The following TNS3 variants were observed in gnomAD, a reference collection of about 807,000 sequenced individuals.
The protein encoded by TNS3 is tensin-3.
In TNS3, 45 loss-of-function variants were observed where a neutral mutation model predicts 140.9. The ratio of observed to expected loss-of-function variants is 0.32; its 90% CI spans 0.25 to 0.41. TNS3 has a LOEUF of 0.41. Ranked by LOEUF, TNS3 falls within the 10% of genes least tolerant of loss-of-function variation. The pLI, the probability that TNS3 is intolerant of heterozygous loss-of-function variation, is 1.00. For synonymous variants in TNS3, 815 were observed against 788.4 expected, an observed-to-expected ratio of 1.03 and a Z score of -0.56; for missense variants, 1,716 against 1,906.7, an observed-to-expected ratio of 0.90 and a Z score of 1.86.
chr7:47,432,186 T>C (rs1794959605), intron 8 of TNS3, among the ~76,000 whole-genome samples: 1 of 152,238 alleles, frequency 6.6e-6, no homozygotes, highest in South Asian at 2.1e-4. Flanking sequence ...TGGTGAGGCC[T>C]ATAAAAGATG....
intron 16 of TNS3, among the ~76,000 whole-genome samples, chr7:47,380,195 C>G (rs1162163756): frequency 1.3e-5 from 2 of 152,272 alleles, no homozygotes; most frequent in Non-Finnish European, 2.9e-5. Context: ...CACAGCCGTA[C>G]TGACAGCAGG....
At chr7:47,306,771 G>A (rs1371942869) in intron 20 of TNS3, among the ~76,000 whole-genome samples, 1 of 152,136 alleles carries the variant, frequency 6.6e-6, no homozygotes, top group Admixed American at 6.5e-5. Flanking sequence ...TAGAGACGGG[G>A]TTTCATCATG....
intron 20 of TNS3, among the ~76,000 whole-genome samples, chr7:47,325,850 G>A (rs1027520241): frequency 1.3e-5 from 2 of 152,166 alleles, no homozygotes; most frequent in Non-Finnish European, 2.9e-5. Context: ...TGCCTTGGAT[G>A]TTATTTTTTT....
intron 3 of TNS3, among the ~76,000 whole-genome samples, 170 bp downstream of exon 3, chr7:47,506,737 G>C (rs1798429919): frequency 6.6e-6 from 1 of 152,164 alleles, no homozygotes; most frequent in Non-Finnish European, 1.5e-5. Context: ...GGATTTCAAA[G>C]CTCTTTGGTT....
intron 17 of TNS3, among the ~76,000 whole-genome samples, chr7:47,351,802 G>C (rs970662289): frequency 1.3e-5 from 2 of 152,158 alleles, no homozygotes; most frequent in Non-Finnish European, 2.9e-5. Flanking sequence ...GTTACAAAAC[G>C]GGCTCCTGTC....
At chr7:47,317,747 C>T (rs1787492820) in intron 20 of TNS3, among the ~76,000 whole-genome samples, 1 of 152,128 alleles carries the variant, frequency 6.6e-6, no homozygotes, top group South Asian at 2.1e-4. Context: ...TGCCTAGAGA[C>T]CACATCAAGC....
chr7:47,557,985 GC>G (rs1208025470), intron 1 of TNS3, among the ~76,000 whole-genome samples: 1 of 152,204 alleles, frequency 6.6e-6, no homozygotes, highest in African/African-American at 2.4e-5. Flanking sequence ...TCTGCTGTCT[GC>G]CCATCGTCCC....
intron 20 of TNS3, among the ~76,000 whole-genome samples, chr7:47,342,840 C>G (rs1182846931): frequency 6.6e-6 from 1 of 152,200 alleles, no homozygotes; most frequent in Non-Finnish European, 1.5e-5. Flanking sequence ...TTGGAGGAGT[C>G]TCACAACTCC....
At chr7:47,488,546 C>G (rs1433462505) in intron 3 of TNS3, among the ~76,000 whole-genome samples, 1 of 152,198 alleles carries the variant, frequency 6.6e-6, no homozygotes, top group East Asian at 1.9e-4. Flanking sequence ...CCCAGTCTTT[C>G]TAAGGACACC....
At chr7:47,550,106 G>A (rs796118372) in intron 1 of TNS3, among the ~76,000 whole-genome samples, 19 of 151,554 alleles carry the variant, frequency 1.3e-4, no homozygotes, top group African/African-American at 4.4e-4. Flanking sequence ...AGGGTGGATC[G>A]GGCAAGGTCT....
chr7:47,530,838 A>AAAAAAAAAAAAAAAAAT, intron 1 of TNS3, among the ~76,000 whole-genome samples: 3 of 54,566 alleles, frequency 5.5e-5, no homozygotes, highest in African/African-American at 1.6e-4. Context: ...AAAAAAAAAA[A>AAAAAAAAAAAAAAAAAT]ATATATATAT....
At chr7:47,340,075 ATG>A (rs1163543555) in intron 20 of TNS3, among the ~76,000 whole-genome samples, 7 of 115,766 alleles carry the variant, frequency 6.0e-5, no homozygotes, top group East Asian at 2.7e-4. Context: ...ATACGAATAT[ATG>A]TGTGTGTGCA....
At chr7:47,405,940 G>A (rs906992721) in intron 13 of TNS3, among the ~76,000 whole-genome samples, 2 of 152,078 alleles carry the variant, frequency 1.3e-5, no homozygotes, top group Admixed American at 6.5e-5. Context: ...TCCAAGCAGG[G>A]GCAGCAAGAT....
chr7:47,364,981 C>T (rs2151120487), intron 17 of TNS3, among the ~76,000 whole-genome samples: 1 of 152,292 alleles, frequency 6.6e-6, no homozygotes, highest in African/African-American at 2.4e-5. Flanking sequence ...CCCCAGATGC[C>T]TGTCAAATAT....
At chr7:47,493,520 A>G (rs1797888593) in intron 3 of TNS3, among the ~76,000 whole-genome samples, 1 of 152,104 alleles carries the variant, frequency 6.6e-6, no homozygotes, top group Non-Finnish European at 1.5e-5. Flanking sequence ...CCTTTGCTCT[A>G]AAGAAGGCTG....
chr7:47,481,763 T>C (rs2964953), intron 3 of TNS3: 965,864 of 968,390 alleles, frequency 1, 481,728 homozygotes, highest in East Asian at 1. Context: ...GGAGGCAAGG[T>C]GGCTCAAACA....
In TNS3 at chr7:47,303,464, G is replaced by A. The variant is rs761429237; in HGVS notation, c.2943C>T (p.Asp981=). ...GCGGGAAGCAGGACAGCACTGGGGAGTCCTTCCTGGTACCGGAGAACTCAG... is the reference window on the plus strand; with the variant it reads ...GCGGGAAGCAGGACAGCACTGGGGAATCCTTCCTGGTACCGGAGAACTCAG... ...LSAEFSGTRK[D]SPVLSCFPPS... Residue 981 remains aspartate (D), a synonymous_variant, in exon 22 of 31, where the codon GAC becomes GAT. Coordinates refer to ENST00000311160, the MANE Select transcript of TNS3 (RefSeq NM_022748.12). 6.8e-6 allele frequency: 11 copies of A among 1,612,120 alleles called. No homozygotes were observed. The highest frequency in any genetic ancestry group is 1.7e-6 in the Non-Finnish European group (2 of 1,179,986).
chr7:47,288,857 C>T (rs114747580), intron 27 of TNS3, among the ~76,000 whole-genome samples: 1 of 152,308 alleles, frequency 6.6e-6, no homozygotes, highest in African/African-American at 2.4e-5. Context: ...TGACCAGATA[C>T]AAACCTCAGG....
At chr7:47,582,148 G>T (rs974029835), upstream of TNS3, 1 of 150,664 alleles carries the variant, frequency 6.6e-6, no homozygotes, top group Admixed American at 6.6e-5. Flanking sequence ...GCTGGCTGCC[G>T]GCGCCCGCGG....
Sources: allele counts gnomAD v4.1 joint callset (sites outside exome capture counted in the v4.1 genomes callset), GRCh38; gene constraint gnomAD v4.1.1; transcripts MANE v1.5; gene names NCBI Gene and HGNC (gene_info 2026-07-23, HGNC 2026-07-21).